KALRN: variants seen among roughly 807,000 people sequenced by gnomAD.
The protein encoded by KALRN is kalirin RhoGEF kinase.
Under a neutral mutation model 353.7 loss-of-function variants are expected in KALRN, and 70 were observed. The ratio of observed to expected loss-of-function variants is 0.20; its 90% CI spans 0.16 to 0.24. The LOEUF (loss-of-function observed/expected upper bound fraction) is 0.24. Among genes scored for constraint, KALRN ranks in the 10% least tolerant of loss-of-function variants. The pLI is 1.00. For synonymous variants in KALRN, 1,391 were observed against 1,434.8 expected (o/e 0.97, Z 0.69); for missense variants, 2,791 against 3,756.7 (o/e 0.74, Z 6.72).
chr3:124,243,652 G>T (rs2080775828), intron 3 of KALRN, among the ~76,000 whole-genome samples: 1 of 152,168 alleles, frequency 6.6e-6, no homozygotes, highest in Admixed American at 6.5e-5. Context: ...AGGGAAAAAT[G>T]CTGACACCTG....
Position 124,202,656 on chromosome 3 carries a change from C to G in KALRN, c.74-25334C>G, listed in dbSNP as rs1438581555. On this transcript the variant is annotated intron_variant, in intron 1 of 59. Coordinates refer to ENST00000682506, the MANE Select transcript of KALRN (RefSeq NM_001388419.1). ...CTTCACCTTCTGTGGGGCTCTCTAT[C>G]CACCCTTCCAGCCTGCCTGCTCCAT... Among the ~76,000 whole-genome samples the G allele has an allele frequency of 2.0e-5, 3 of 152,166 alleles. No homozygotes were observed. In the East Asian group the frequency reaches 5.8e-4, roughly 29 times the overall value.
At chr3:124,319,166 T>C (rs2079079912) in intron 6 of KALRN, among the ~76,000 whole-genome samples, 1 of 151,802 alleles carries the variant, frequency 6.6e-6, no homozygotes, top group South Asian at 2.1e-4. Flanking sequence ...AAAGATATAT[T>C]AAAATAATTT....
At chr3:124,687,191 TAATCAGGGCCAA>T (rs1274474561) in intron 51 of KALRN, among the ~76,000 whole-genome samples, 4 of 152,112 alleles carry the variant, frequency 2.6e-5, no homozygotes, top group African/African-American at 9.7e-5. Flanking sequence ...AATCAGGGCA[TAATCAGGGCCAA>T]ATCATTAAGG....
chr3:124,693,349 G>C (rs1322182007), intron 51 of KALRN, among the ~76,000 whole-genome samples: 3 of 152,164 alleles, frequency 2.0e-5, no homozygotes, highest in African/African-American at 7.2e-5. Context: ...CACTGTATTA[G>C]TGAATTTCAA....
chr3:124,478,275 G>T (rs2061616256), intron 27 of KALRN, among the ~76,000 whole-genome samples: 1 of 152,140 alleles, frequency 6.6e-6, no homozygotes, highest in Non-Finnish European at 1.5e-5. Flanking sequence ...CTGTCTATAT[G>T]CCTACCTGTT....
At chr3:124,668,550 A>C (rs1013988963) in intron 47 of KALRN, among the ~76,000 whole-genome samples, 2 of 152,212 alleles carry the variant, frequency 1.3e-5, no homozygotes, top group Non-Finnish European at 1.5e-5. Context: ...ATAGAAGGAG[A>C]TCATGTAACA....
chr3:124,093,109 G>A (rs2061220251), intron 1 of KALRN, among the ~76,000 whole-genome samples: 1 of 152,174 alleles, frequency 6.6e-6, no homozygotes, highest in African/African-American at 2.4e-5. Flanking sequence ...GCAGGGGCAG[G>A]CGGTGGAGGT....
chr3:124,037,727 G>C (rs1436636299), intron 1 of KALRN, among the ~76,000 whole-genome samples: 1 of 152,106 alleles, frequency 6.6e-6, no homozygotes, highest in Admixed American at 6.5e-5. Context: ...CATTTTTAGA[G>C]GTATAAGTGT....
intron 1 of KALRN, among the ~76,000 whole-genome samples, chr3:124,171,907 T>C (rs2071898338): frequency 6.6e-6 from 1 of 152,138 alleles, no homozygotes; most frequent in South Asian, 2.1e-4. Context: ...AAGCTCTCTC[T>C]CCGCAGATCT....
At chr3:124,401,908 T>C (rs577220798) in intron 13 of KALRN, among the ~76,000 whole-genome samples, 1 of 152,312 alleles carries the variant, frequency 6.6e-6, no homozygotes, top group South Asian at 2.1e-4. Context: ...AACAAACTTT[T>C]AGAGAAGCTT....
At chr3:124,631,288 G>T (rs745877013) in intron 34 of KALRN, among the ~76,000 whole-genome samples, 4 of 152,078 alleles carry the variant, frequency 2.6e-5, no homozygotes, top group African/African-American at 4.8e-5. Flanking sequence ...TGACAACTCT[G>T]CAATTATCTC....
chr3:124,339,232 G>A (rs567522228), intron 9 of KALRN, among the ~76,000 whole-genome samples: 2 of 152,228 alleles, frequency 1.3e-5, no homozygotes, highest in South Asian at 2.1e-4. Context: ...GGGAGGGGAC[G>A]GGTGCAGGTG....
intron 1 of KALRN, among the ~76,000 whole-genome samples, chr3:124,128,267 C>A (rs2064905183): frequency 6.6e-6 from 1 of 152,134 alleles, no homozygotes; most frequent in Non-Finnish European, 1.5e-5. Flanking sequence ...CAAAGAAAAC[C>A]AGAAGACTGG....
At chr3:124,571,709 G>A (rs568579285) in intron 34 of KALRN, among the ~76,000 whole-genome samples, 1 of 151,552 alleles carries the variant, frequency 6.6e-6, no homozygotes, top group South Asian at 2.1e-4. Context: ...TTTTATTTTG[G>A]AGACAGGGCC....
chr3:124,171,606 A>T (rs1473327663), intron 1 of KALRN, among the ~76,000 whole-genome samples: 1 of 151,486 alleles, frequency 6.6e-6, no homozygotes, highest in African/African-American at 2.4e-5. Flanking sequence ...AGCAAAATAG[A>T]CCCTACCTCT....
At chr3:124,474,343 T>G (rs1349698648) in intron 25 of KALRN, among the ~76,000 whole-genome samples, 24 of 152,208 alleles carry the variant, frequency 1.6e-4, no homozygotes. Context: ...GTGCTTAGAT[T>G]ACTTGTGTAA....
chr3:124,082,848 A>G (rs770896381), intron 1 of KALRN, among the ~76,000 whole-genome samples: 3 of 152,248 alleles, frequency 2.0e-5, no homozygotes, highest in Non-Finnish European at 4.4e-5. Context: ...TCATCAGTGC[A>G]AAGCTACATT....
chr3:124,389,639 T>A (rs1331815065), intron 11 of KALRN, among the ~76,000 whole-genome samples: 2 of 152,198 alleles, frequency 1.3e-5, no homozygotes, highest in Admixed American at 6.5e-5. Context: ...TATAGTAAAA[T>A]ATTACACAGT....
intron 10 of KALRN, among the ~76,000 whole-genome samples, chr3:124,368,942 C>A (rs866965150): frequency 6.6e-5 from 10 of 151,820 alleles, no homozygotes; most frequent in East Asian, 5.8e-4. Flanking sequence ...CGCAGGCACT[C>A]GGCAGGCTGA....
Sources: allele counts gnomAD v4.1 joint callset (sites outside exome capture counted in the v4.1 genomes callset), GRCh38; gene constraint gnomAD v4.1.1; transcripts MANE v1.5; gene names NCBI Gene and HGNC (gene_info 2026-07-23, HGNC 2026-07-21).